The following NEO1 variants were observed in gnomAD, a reference collection of about 807,000 sequenced individuals.
NEO1 encodes neogenin 1, also known as neogenin.
Under a neutral mutation model 159.7 loss-of-function variants are expected in NEO1, and 63 were observed. That is an observed-to-expected ratio of 0.39 (90% CI 0.32 to 0.49). The LOEUF is 0.49. Ranked by LOEUF, NEO1 falls within the 20% of genes least tolerant of loss-of-function variation. The probability of loss-of-function intolerance (pLI) is 0.85; values close to 1 mark genes in which losing one functional copy is unlikely to be tolerated. For missense variants in NEO1, 1,615 were observed against 1,831.0 expected (o/e 0.88, Z 2.15); for synonymous variants, 633 against 662.0 (o/e 0.96, Z 0.67).
intron 15 of NEO1, among the ~76,000 whole-genome samples, chr15:73,264,966 CT>C (rs1205935164): frequency 1.3e-5 from 2 of 152,130 alleles, no homozygotes. Flanking sequence ...GAGAAATGGG[CT>C]GTGTAACTAG....
chr15:73,178,829 A>T (rs1274021141), intron 7 of NEO1, among the ~76,000 whole-genome samples: 2 of 152,182 alleles, frequency 1.3e-5, no homozygotes, highest in African/African-American at 2.4e-5. Context: ...TTGGAAGCAG[A>T]GCTCATTGTT....
At chr15:73,067,526 T>C (rs1334305857) in intron 1 of NEO1, among the ~76,000 whole-genome samples, 1 of 151,640 alleles carries the variant, frequency 6.6e-6, no homozygotes. Flanking sequence ...CTTGGCTCAC[T>C]GCAAACTCTG....
chr15:73,288,609 CT>C (rs879110796), intron 24 of NEO1, 58 bp downstream of exon 24: 79,243 of 972,788 alleles, frequency 0.081, 3 homozygotes, highest in South Asian at 0.12. Flanking sequence ...TCATTTAAAT[CT>C]TTTTTTTTTT....
chr15:73,106,714 C>T (rs529923718), intron 1 of NEO1, among the ~76,000 whole-genome samples: 6 of 152,264 alleles, frequency 3.9e-5, no homozygotes, highest in Admixed American at 3.3e-4. Flanking sequence ...ATTCTTCATT[C>T]TCTTTGTGGT....
chr15:73,143,348 C>G (rs970461807), intron 5 of NEO1: 1 of 157,578 alleles, frequency 6.3e-6, no homozygotes, highest in African/African-American at 2.4e-5. Context: ...GACCCACATT[C>G]ATCTGGGCAA....
In NEO1 at chr15:73,239,466, C is replaced by T. The variant is rs1049662790; in HGVS notation, c.1451+2960C>T. 2.0e-5 allele frequency among the ~76,000 whole-genome samples: 3 copies of T among 152,086 alleles called. No individual in the cohort carries two copies. The South Asian group carries it at 6.2e-4, about 32-fold the overall frequency. On this transcript the variant is annotated intron_variant, in intron 8 of 28. Transcript: ENST00000261908. ...ATATCCACTGATAGAAGAATGGGCA[C>T]CTAATATACAATCGTGCATCACATA...
chr15:73,229,008 A>G (rs966337280), intron 7 of NEO1, among the ~76,000 whole-genome samples: 4 of 152,170 alleles, frequency 2.6e-5, no homozygotes, highest in African/African-American at 9.6e-5. Context: ...AGTACAGTAA[A>G]TTTTGAAATC....
chr15:73,195,543 T>C (rs925964359), intron 7 of NEO1, among the ~76,000 whole-genome samples: 27 of 152,362 alleles, frequency 1.8e-4, no homozygotes, highest in African/African-American at 6.0e-4. Context: ...TGTTTTTCTT[T>C]AGTATTAACA....
intron 20 of NEO1, 55 bp downstream of exon 20, chr15:73,274,060 T>G (rs2041295275): frequency 3.3e-6 from 5 of 1,499,184 alleles, no homozygotes; most frequent in Non-Finnish European, 4.6e-6. Flanking sequence ...GGGGCTATGC[T>G]GACACTATCA....
intron 7 of NEO1, among the ~76,000 whole-genome samples, chr15:73,217,669 A>G (rs113274474): frequency 1.3e-5 from 2 of 151,958 alleles, no homozygotes; most frequent in Non-Finnish European, 1.5e-5. Context: ...TGGATTCCTA[A>G]GTATTTTATT....
At chr15:73,135,800 A>G in intron 4 of NEO1, 91 bp from the exon 5 acceptor site, 1 of 1,129,922 alleles carries the variant, frequency 8.9e-7, no homozygotes, top group Non-Finnish European at 1.2e-6. Context: ...ATACTCTTTA[A>G]GTGTTTTCTC....
At chr15:73,240,256 A>G (rs370943441) in intron 8 of NEO1, among the ~76,000 whole-genome samples, 12 of 152,266 alleles carry the variant, frequency 7.9e-5, no homozygotes, top group African/African-American at 2.9e-4. Flanking sequence ...AATGAGACAC[A>G]CTTATTTAAA....
intron 5 of NEO1, among the ~76,000 whole-genome samples, chr15:73,159,377 C>T (rs1035525665): frequency 3.3e-5 from 5 of 150,894 alleles, no homozygotes; most frequent in South Asian, 4.2e-4. Context: ...TCTTTTCCTC[C>T]AGTGTTTAAG....
intron 5 of NEO1, among the ~76,000 whole-genome samples, chr15:73,142,153 T>C (rs1238753881): frequency 6.6e-6 from 1 of 152,128 alleles, no homozygotes; most frequent in African/African-American, 2.4e-5. Context: ...TGGAAACTCA[T>C]ATGTGATGTT....
intron 9 of NEO1, 74 bp from the exon 10 acceptor site, chr15:73,248,986 A>G: frequency 7.0e-7 from 1 of 1,428,174 alleles, no homozygotes; most frequent in Non-Finnish European, 9.6e-7. Flanking sequence ...CCAATATGAC[A>G]GTATTGCCAA....
chr15:73,068,607 T>C (rs2068358535), intron 1 of NEO1, among the ~76,000 whole-genome samples: 1 of 152,206 alleles, frequency 6.6e-6, no homozygotes, highest in African/African-American at 2.4e-5. Context: ...CGTCCACATA[T>C]GCTTGTCGCT....
chr15:73,126,979 C>T (rs1394573657), intron 4 of NEO1, among the ~76,000 whole-genome samples: 1 of 152,150 alleles, frequency 6.6e-6, no homozygotes, highest in Non-Finnish European at 1.5e-5. Context: ...CACCTGTAAT[C>T]CCAGCACTTC....
intron 25 of NEO1, among the ~76,000 whole-genome samples, chr15:73,290,334 G>T (rs35031381): frequency 1.6e-3 from 226 of 139,628 alleles, no homozygotes; most frequent in African/African-American, 5.6e-3. Context: ...TCCACCTCCC[G>T]GGTTCAAGCA....
intron 5 of NEO1, among the ~76,000 whole-genome samples, chr15:73,141,920 C>T (rs554583127): frequency 2.6e-5 from 4 of 152,268 alleles, no homozygotes; most frequent in East Asian, 3.9e-4. Flanking sequence ...GCTTTTTCAG[C>T]GTTAACTGGA....
Sources: gnomAD v4.1 joint callset for allele counts (sites outside exome capture counted in the v4.1 genomes callset) on GRCh38, gnomAD v4.1.1 for gene constraint, MANE v1.5 for transcripts, NCBI Gene and HGNC (gene_info 2026-07-23, HGNC 2026-07-21) for gene names.